RNF138: variants seen among roughly 807,000 people sequenced by gnomAD.
RNF138 encodes the protein E3 ubiquitin-protein ligase RNF138.
Under a neutral mutation model 31.0 loss-of-function variants are expected in RNF138, and 12 were observed. The ratio of observed to expected loss-of-function variants is 0.39; its 90% CI spans 0.25 to 0.63. RNF138 has a LOEUF of 0.63. RNF138 is among the 20% of genes least tolerant of loss of function. The pLI is 0.52. For missense variants in RNF138, 192 were observed against 300.1 expected (o/e 0.64, Z 2.66); for synonymous variants, 105 against 99.5 (o/e 1.06, Z -0.33).
At chr18:32,103,040 A>G (rs1312929491) in intron 2 of RNF138, among the ~76,000 whole-genome samples, 1 of 152,146 alleles carries the variant, frequency 6.6e-6, no homozygotes, top group African/African-American at 2.4e-5. Flanking sequence ...ATATATATAC[A>G]TGTGTGTATA....
intron 4 of RNF138, among the ~76,000 whole-genome samples, chr18:32,121,993 C>T (rs552716515): frequency 2.0e-5 from 3 of 152,150 alleles, no homozygotes; most frequent in East Asian, 1.9e-4. Context: ...CTCAGCCTCC[C>T]GAGTAGTTGG....
chr18:32,126,464 A>ATAAGAGATTTAAGGAATAGAATGTC (rs1352142238), intron 6 of RNF138, among the ~76,000 whole-genome samples: 4 of 152,288 alleles, frequency 2.6e-5, no homozygotes, highest in African/African-American at 9.6e-5. Context: ...CATTTGTGTA[A>ATAAGAGATTTAAGGAATAGAATGTC]TAAGAGATTT....
chr18:32,123,653 T>C, intron 5 of RNF138, 79 bp downstream of exon 5: 3 of 226,590 alleles, frequency 1.3e-5, no homozygotes, highest in Non-Finnish European at 2.2e-5. Context: ...TAAATTAAAC[T>C]TTTTTTTTTT....
At chr18:32,102,286 C>G (rs1157531501) in intron 2 of RNF138, among the ~76,000 whole-genome samples, 3 of 147,374 alleles carry the variant, frequency 2.0e-5, no homozygotes, top group African/African-American at 7.6e-5. Flanking sequence ...ACTGCAAGCT[C>G]CACCTCCCAG....
At chr18:32,092,560 C>T (rs2039712711) in intron 1 of RNF138, 140 bp from the exon 2 acceptor site, 2 of 552,100 alleles carry the variant, frequency 3.6e-6, no homozygotes, top group East Asian at 3.2e-5. Context: ...TGGGAGGAGC[C>T]GTGGGAGGGG....
intron 1 of RNF138, 101 bp from the exon 2 acceptor site, chr18:32,092,599 A>G: frequency 1.7e-6 from 1 of 583,080 alleles, no homozygotes; most frequent in Non-Finnish European, 3.1e-6. Flanking sequence ...GTGCGGCAGT[A>G]GCGTCTCTGC....
chr18:32,124,460 T>C (rs1253501359), intron 5 of RNF138: 3 of 315,418 alleles, frequency 9.5e-6, no homozygotes, highest in South Asian at 5.4e-5. Context: ...CTACATAATA[T>C]ATGGAGTCAG....
rs1352433185 is a variant in RNF138, at chr18:32,105,243, C to T, written c.111-6511C>T. On this transcript the variant is annotated intron_variant, in intron 2 of 7. Transcript: ENST00000261593. Reference sequence around the variant, plus strand: ...AGTAGCTGGGATTACATGCACCTGCCACCATACATGGCTAATTTTTGTATT... The same window carrying T: ...AGTAGCTGGGATTACATGCACCTGCTACCATACATGGCTAATTTTTGTATT... Among the ~76,000 whole-genome samples the T allele has an allele frequency of 2.0e-5, 3 of 152,080 alleles. No individual in the cohort carries two copies. In the East Asian group the frequency reaches 5.8e-4, roughly 29 times the overall value.
intron 4 of RNF138, 177 bp downstream of exon 4, chr18:32,114,037 G>A (rs1310958476): frequency 2.4e-5 from 10 of 423,780 alleles, no homozygotes; most frequent in Admixed American, 1.3e-4. Flanking sequence ...TTTGGCACAC[G>A]TAAGCTCTCA....
chr18:32,092,824 C>T lies in RNF138; in HGVS notation c.48C>T (p.Phe16=). 6.2e-7 allele frequency: 1 copy of T among 1,600,484 alleles called. No individual in the cohort carries two copies. The change falls in exon 2 of 8, where the codon TTC becomes TTT. Residue 16 remains phenylalanine (F), a synonymous_variant. Transcript: ENST00000261593. ...SAATSYTEDD[F]YCPVCQEVLK... The stretch of plus-strand genomic sequence containing the variant: ...CCACGTCCTACACCGAAGATGATTT[C>T]TACTGCCCCGTCTGTCAGGAGGTGC...
At chr18:32,107,267 C>G (rs765414152) in intron 2 of RNF138, among the ~76,000 whole-genome samples, 4 of 150,314 alleles carry the variant, frequency 2.7e-5, no homozygotes, top group Non-Finnish European at 4.4e-5. Context: ...ACTACAGGTG[C>G]ACGCTGCCAC....
intron 7 of RNF138, 91 bp from the exon 8 acceptor site, chr18:32,129,028 G>T: frequency 1.2e-6 from 1 of 800,968 alleles, no homozygotes. Flanking sequence ...GTCAAGATGT[G>T]TAATGTGTAT....
chr18:32,112,911 G>A (rs16962699), intron 3 of RNF138, among the ~76,000 whole-genome samples: 12,301 of 152,170 alleles, frequency 0.081, 633 homozygotes, highest in African/African-American at 0.13. Flanking sequence ...AGTGAGCAAA[G>A]CTGGTTGCTA....
chr18:32,107,462 TAGC>T (rs1246616372), intron 2 of RNF138, among the ~76,000 whole-genome samples: 5 of 151,376 alleles, frequency 3.3e-5, no homozygotes, highest in Non-Finnish European at 5.9e-5. Context: ...TTTTAAATTT[TAGC>T]AGTTTTTTTT....
chr18:32,093,045 C>T (rs1167986354), intron 2 of RNF138, among the ~76,000 whole-genome samples, 159 bp downstream of exon 2: 2 of 151,944 alleles, frequency 1.3e-5, no homozygotes, highest in Admixed American at 1.3e-4. Context: ...CTCAGAGTCC[C>T]GGGGCGGCCT....
chr18:32,100,774 C>G (rs940552331), intron 2 of RNF138, among the ~76,000 whole-genome samples: 5 of 152,060 alleles, frequency 3.3e-5, no homozygotes, highest in Non-Finnish European at 5.9e-5. Context: ...CCGCGCCCGG[C>G]CTGTATTTTT....
intron 2 of RNF138, among the ~76,000 whole-genome samples, chr18:32,101,675 T>C (rs1396647370): frequency 1.3e-5 from 2 of 152,202 alleles, no homozygotes; most frequent in Non-Finnish European, 2.9e-5. Context: ...TTTTCATAAA[T>C]GTCATGTTGC....
chr18:32,105,511 G>C (rs964466500), intron 2 of RNF138, among the ~76,000 whole-genome samples: 6 of 152,220 alleles, frequency 3.9e-5, no homozygotes, highest in Non-Finnish European at 8.8e-5. Flanking sequence ...AAATGAATGA[G>C]GAAAAGGTGG....
rs1006611039 is a variant in RNF138 at position 32,092,717 on chromosome 18, C to T, written c.-60C>T. On this transcript the variant is annotated 5_prime_UTR_variant, in exon 2 of 8. Transcript: ENST00000261593. Reference sequence around the variant, plus strand: ...TCATGTAGGGAGTCGGGCCCCGGGCCGCCACCGTCACCTCGGCCGCTGCCG... The same window carrying T: ...TCATGTAGGGAGTCGGGCCCCGGGCTGCCACCGTCACCTCGGCCGCTGCCG... 3.7e-6 allele frequency: 4 copies of T among 1,080,184 alleles called. No homozygotes were observed. The highest frequency in any genetic ancestry group is 1.6e-5 in the African/African-American group (1 of 63,926). The allele number at this position is 1,080,184 out of a possible 1,614,324, so 66.9% of individuals were successfully genotyped here.
Sources: gnomAD v4.1 joint callset for allele counts (sites outside exome capture counted in the v4.1 genomes callset) on GRCh38, gnomAD v4.1.1 for gene constraint, MANE v1.5 for transcripts, NCBI Gene and HGNC (gene_info 2026-07-23, HGNC 2026-07-21) for gene names.